Variants in APC observed in about 807,000 individuals in gnomAD.
APC encodes the protein adenomatous polyposis coli protein.
APC carries 72 observed loss-of-function variants against 247.0 expected under a neutral mutation model. The ratio of observed to expected loss-of-function variants is 0.29; its 90% CI spans 0.24 to 0.35. The LOEUF (loss-of-function observed/expected upper bound fraction) is 0.35. APC is among the 10% of genes least tolerant of loss of function. The pLI, the probability that APC is intolerant of heterozygous loss-of-function variation, is 1.00. For missense variants in APC, 3,400 were observed against 3,360.7 expected (o/e 1.01, Z -0.29); for synonymous variants, 1,254 against 1,162.5 (o/e 1.08, Z -1.60).
rs562035908 is a variant in APC at position 112,716,326 on chromosome 5, A to C, written c.165+8444A>C. On this transcript the variant is annotated intron_variant, in intron 1 of 13. Coordinates refer to the APC transcript ENST00000507379. The stretch of plus-strand genomic sequence containing the variant: ...TGTTTTCAGATTTCTGTTATGATTT[A>C]TACTTTGACTTTTGGATTATTTGGA... Among the ~76,000 whole-genome samples, 253 of 152,288 alleles carry C rather than the reference A, an allele frequency of 1.7e-3. 4 individuals are homozygous for C. The highest frequency in any genetic ancestry group is 6.0e-3 in the African/African-American group (248 of 41,588).
intron 8 of APC, among the ~76,000 whole-genome samples, chr5:112,801,979 G>A (rs1010466251): frequency 8.6e-5 from 13 of 151,506 alleles, no homozygotes; most frequent in South Asian, 2.1e-4. Context: ...GCTACCATCC[G>A]TTATCTTATT....
chr5:112,841,703 G>C lies in APC; in HGVS notation c.6109G>C (p.Asp2037His), dbSNP rs864622311. Residue 2037 changes from aspartate to histidine, a missense_variant, in exon 16 of 16, where the codon GAC becomes CAC. Around this residue, in one of 9 missense-constraint regions of APC, gnomAD observed 1,788 missense variants for 1,649.5 expected, o/e 1.08. Coordinates refer to ENST00000257430, the MANE Select transcript of APC (RefSeq NM_000038.6). This position sits in a 1 kb window ranked among gnomAD's most constrained non-coding sequence, Gnocchi z 4.6. ...LSSLSIDSED[D>H]LLQECISSAM... ...TTCTCTTAGTATTGACTCTGAAGATGACCTGTTGCAGGAATGTATAAGCTC... is the reference window on the plus strand; with the variant it reads ...TTCTCTTAGTATTGACTCTGAAGATCACCTGTTGCAGGAATGTATAAGCTC... The C allele has an allele frequency of 6.2e-7, 1 of 1,613,814 alleles. No homozygotes were observed. The highest frequency in any genetic ancestry group is 8.5e-7 in the Non-Finnish European group (1 of 1,179,758).
At chr5:112,819,546 C>G (rs1762906168) in intron 10 of APC, among the ~76,000 whole-genome samples, 1 of 152,132 alleles carries the variant, frequency 6.6e-6, no homozygotes, top group African/African-American at 2.4e-5. Context: ...ATGTGCACTA[C>G]TATAAGAACA....
At chr5:112,722,268 G>T (rs1345061897) in intron 1 of APC, among the ~76,000 whole-genome samples, 1 of 152,142 alleles carries the variant, frequency 6.6e-6, no homozygotes, top group Non-Finnish European at 1.5e-5. Context: ...TACTATTATG[G>T]CATTTTAAAC....
At chr5:112,817,449 G>T (rs1762626548) in intron 9 of APC, among the ~76,000 whole-genome samples, 1 of 152,084 alleles carries the variant, frequency 6.6e-6, no homozygotes, top group Non-Finnish European at 1.5e-5. Flanking sequence ...GCCAGGAGTT[G>T]TATGTACCTT....
intron 4 of APC, among the ~76,000 whole-genome samples, chr5:112,775,163 CT>C (rs1757478833): frequency 6.6e-6 from 1 of 152,130 alleles, no homozygotes; most frequent in Non-Finnish European, 1.5e-5. Flanking sequence ...CAGTATATTT[CT>C]TATTATTTTG....
At chr5:112,779,515 T>C (rs1005658591) in intron 5 of APC, among the ~76,000 whole-genome samples, 1 of 152,200 alleles carries the variant, frequency 6.6e-6, no homozygotes, top group Admixed American at 6.5e-5. Flanking sequence ...ACTCTGCTTG[T>C]ATTTTATAAG....
chr5:112,734,964 C>G (rs1752298218), upstream of APC, among the ~76,000 whole-genome samples: 1 of 151,500 alleles, frequency 6.6e-6, no homozygotes. Context: ...CCTATTAATC[C>G]TATTTAGTCA....
rs1554080697 is a variant in APC at position 112,821,929 on chromosome 5, C to T, written c.1346C>T (p.Ala449Val). 1 of 1,613,172 alleles carries T rather than the reference C, an allele frequency of 6.2e-7. No homozygotes were observed. The highest frequency in any genetic ancestry group is 8.5e-7 in the Non-Finnish European group (1 of 1,179,502). ...PAPVEHQICP[A>V]VCVLMKLSFD... Reference sequence around the variant, plus strand: ...CCTGTTGAACATCAGATCTGTCCTGCTGTGTGTGTTCTAATGAAACTTTCA... The same window carrying T: ...CCTGTTGAACATCAGATCTGTCCTGTTGTGTGTGTTCTAATGAAACTTTCA... The change falls in exon 11 of 16, where the codon GCT becomes GTT. Residue 449 changes from alanine to valine, a missense_variant. This residue lies in a region of APC where 199 missense variants were observed against 212.5 expected (regional missense o/e 0.94). Coordinates refer to ENST00000257430, the MANE Select transcript of APC (RefSeq NM_000038.6).
In APC at chr5:112,769,055, T is replaced by TTTC. The variant is rs1756716682; in HGVS notation, c.422+1667_422+1668insCTT. On this transcript the variant is annotated intron_variant, in intron 4 of 15. Coordinates refer to ENST00000257430, the MANE Select transcript of APC (RefSeq NM_000038.6). ...AAATTTTTCTTTTTTTTCTTCTTTT[T>TTTC]TTTTTTTTTTTTTTTGAGATAAGAG... 4.3e-5 allele frequency among the ~76,000 whole-genome samples: 6 copies of TTTC among 139,288 alleles called. No homozygotes were observed. In the South Asian group the frequency reaches 1.4e-3, roughly 33 times the overall value. 91.4% of individuals were successfully genotyped at this position (139,288 alleles called of 152,430 possible).
rs1424481501 is a variant in APC at position 112,819,199 on chromosome 5, C to T, written c.1167C>T (p.Asn389=). ...ARARASAALH[N]IIHSQPDDKR... is the part of the protein sequence containing the mutation. ...CCAGGGCCAGTGCAGCACTCCACAA[C>T]ATCATTCACTCACAGCCTGATGACA... The change falls in exon 10 of 16, where the codon AAC becomes AAT. Residue 389 remains asparagine, a synonymous_variant. Transcript: ENST00000257430. 1.2e-6 allele frequency: 2 copies of T among 1,613,982 alleles called. No homozygotes were observed. Among genetic ancestry groups the T allele is most frequent in the Non-Finnish European group, 1.7e-6 (2 of 1,179,962 alleles).
chr5:112,822,059 C>G (rs1763204397), intron 11 of APC, 68 bp downstream of exon 11: 1 of 1,049,508 alleles, frequency 9.5e-7, no homozygotes, highest in African/African-American at 1.6e-5. Flanking sequence ...GGTAGAAATT[C>G]AGTATAGTAA....
intron 1 of APC, among the ~76,000 whole-genome samples, chr5:112,717,686 G>C (rs1006479845): frequency 2.0e-5 from 3 of 151,906 alleles, no homozygotes; most frequent in African/African-American, 7.3e-5. Flanking sequence ...TTTTATCTTT[G>C]GCTTTGGCTT....
intron 1 of APC, among the ~76,000 whole-genome samples, chr5:112,742,654 C>T (rs1170206220): frequency 6.6e-6 from 1 of 152,178 alleles, no homozygotes; most frequent in African/African-American, 2.4e-5. Context: ...TGAATGTCTT[C>T]ATGACATAGC....
At chr5:112,808,313 C>T (rs900715503) in intron 8 of APC, among the ~76,000 whole-genome samples, 1 of 152,134 alleles carries the variant, frequency 6.6e-6, no homozygotes, top group African/African-American at 2.4e-5. Context: ...GCCTCAGGGT[C>T]CAGATAAGGT....
At chr5:112,803,929 C>T (rs916087667) in intron 8 of APC, among the ~76,000 whole-genome samples, 1 of 152,140 alleles carries the variant, frequency 6.6e-6, no homozygotes, top group African/African-American at 2.4e-5. Flanking sequence ...AGTGGCTACT[C>T]ACCTCCCATA....
intron 14 of APC, chr5:112,829,693 G>C (rs985046604): frequency 6.6e-6 from 1 of 152,292 alleles, no homozygotes; most frequent in Non-Finnish European, 1.5e-5. Flanking sequence ...TAGTTATGCC[G>C]ATCAAAATTG....
rs1765223831 is a variant in APC at position 112,838,208 on chromosome 5, ACTT to A, written c.2619_2621del (p.Ser874del). ...CCATCCAGCAACAGAAAATCCAGGA[ACTT>A]CTTCAAAGCGAGGTTTGCAGATCTC... On this transcript the variant is annotated inframe_deletion, in exon 16 of 16. Coordinates refer to ENST00000257430, the MANE Select transcript of APC (RefSeq NM_000038.6). 1 of 1,613,872 alleles carries A rather than the reference ACTT, an allele frequency of 6.2e-7. No homozygotes were observed. Among genetic ancestry groups the A allele is most frequent in the Non-Finnish European group, 8.5e-7 (1 of 1,179,938 alleles).
intron 5 of APC, among the ~76,000 whole-genome samples, 200 bp from the exon 6 acceptor site, chr5:112,780,590 C>T (rs866340888): frequency 4.6e-5 from 7 of 152,224 alleles, no homozygotes; most frequent in South Asian, 4.1e-4. Flanking sequence ...TTGAATTCCA[C>T]GTCACATCAG....
Sources: allele counts gnomAD v4.1 joint callset (sites outside exome capture counted in the v4.1 genomes callset), GRCh38; gene constraint gnomAD v4.1.1; regional missense constraint gnomAD v4.1.1; non-coding constraint Gnocchi (gnomAD v3.1); transcripts MANE v1.5; gene names NCBI Gene and HGNC (gene_info 2026-07-23, HGNC 2026-07-21).